Variants in KIF26A observed in about 807,000 individuals in gnomAD.
KIF26A encodes the protein kinesin family member 26A.
Under a neutral mutation model 126.0 loss-of-function variants are expected in KIF26A, and 74 were observed. That is an observed-to-expected ratio of 0.59 (90% confidence interval 0.49 to 0.71). The LOEUF (loss-of-function observed/expected upper bound fraction) is 0.71. KIF26A is among the 30% of genes least tolerant of loss of function. The pLI, the probability that KIF26A is intolerant of heterozygous loss-of-function variation, is 0.00. For synonymous variants in KIF26A, 1,445 were observed against 1,232.7 expected, an observed-to-expected ratio of 1.17 and a Z score of -3.61; for missense variants, 2,984 against 2,763.3, an observed-to-expected ratio of 1.08 and a Z score of -1.79.
intron 2 of KIF26A, among the ~76,000 whole-genome samples, chr14:104,139,597 G>A (rs905329310): frequency 1.4e-4 from 21 of 152,296 alleles, no homozygotes; most frequent in African/African-American, 4.8e-4. Context: ...GGAGAGAGCG[G>A]ATGGCAGGGA....
intron 2 of KIF26A, among the ~76,000 whole-genome samples, chr14:104,145,332 C>G (rs1363755668): frequency 6.6e-6 from 1 of 152,192 alleles, no homozygotes; most frequent in Non-Finnish European, 1.5e-5. Flanking sequence ...TGGGGTGGCC[C>G]GAGGCCCTCC....
intron 4 of KIF26A, among the ~76,000 whole-genome samples, chr14:104,165,695 GTC>G (rs1566861029): frequency 2.1e-5 from 3 of 140,964 alleles, no homozygotes; most frequent in South Asian, 4.2e-4. Context: ...GTGACTGTGT[GTC>G]TCTGTCTCTG....
rs1353649182 is a variant in KIF26A at position 104,139,163 on chromosome 14, G to T, written c.163G>T (p.Gly55Trp). Residue 55 changes from glycine (G) to tryptophan (W), a missense_variant, in exon 2 of 15, where the codon GGG becomes TGG. Physicochemically the swap from Gly to Trp is radical, Grantham distance 184. Transcript: ENST00000423312. ...CAGCCGCCCTGCTCCCGAAGGCGCC[G>T]GGGCCGGCCCAGAGCAGGGCCACTC... The part of the protein sequence containing the change: ...CGSRPAPEGA[G>W]AGPEQGHSAG... 2.6e-6 allele frequency: 4 copies of T among 1,521,126 alleles called. No individual in the cohort carries two copies. The East Asian group carries it at 1.0e-4, about 40-fold the overall frequency. 94.2% of individuals were successfully genotyped at this position (1,521,126 alleles called of 1,614,324 possible).
chr14:104,150,277 G>A (rs940027763), intron 2 of KIF26A, among the ~76,000 whole-genome samples: 2 of 147,066 alleles, frequency 1.4e-5, no homozygotes, highest in African/African-American at 5.0e-5. Context: ...GCGAATCTCC[G>A]AAGCAGCAGG....
At chr14:104,169,540 C>T (rs531531716) in intron 5 of KIF26A, among the ~76,000 whole-genome samples, 1 of 152,350 alleles carries the variant, frequency 6.6e-6, no homozygotes, top group African/African-American at 2.4e-5. Context: ...CCCCTCCACC[C>T]TGCACACCCC....
In KIF26A at chr14:104,173,797, G is replaced by A. The variant is rs781135612; in HGVS notation, c.1959G>A (p.Leu653=). ...CCGGGGAGGCTGCTGGGGGTCCCCT[G>A]TGTCTGTCCCTGTCGGCCCTGGGCA... ...GRAGEAAGGP[L]CLSLSALGSV... is the part of the protein sequence containing the mutation. The change falls in exon 10 of 15, where the codon CTG becomes CTA. Residue 653 remains leucine, a synonymous_variant. Coordinates refer to ENST00000423312, the MANE Select transcript of KIF26A (RefSeq NM_015656.2). 6.2e-6 allele frequency: 10 copies of A among 1,606,000 alleles called. No individual in the cohort carries two copies. In the Admixed American group the frequency reaches 6.7e-5, roughly 11 times the overall value.
chr14:104,140,677 T>G (rs11160787), intron 2 of KIF26A, among the ~76,000 whole-genome samples: 94,859 of 151,998 alleles, frequency 0.62, 31,678 homozygotes, highest in Non-Finnish European at 0.75. Context: ...CCCTGGTGGA[T>G]TCTAGGTTCC....
intron 2 of KIF26A, among the ~76,000 whole-genome samples, chr14:104,145,746 A>T (rs1386151949): frequency 6.6e-6 from 1 of 150,962 alleles, no homozygotes; most frequent in East Asian, 1.9e-4. Flanking sequence ...CAAAACCCTC[A>T]CCCCTGCCGC....
At chr14:104,166,062 G>A (rs1027983712) in intron 4 of KIF26A, among the ~76,000 whole-genome samples, 10 of 151,620 alleles carry the variant, frequency 6.6e-5, no homozygotes, top group South Asian at 4.2e-4. Flanking sequence ...CACCCCTGGC[G>A]GTGCTGGGGC....
At chr14:104,140,544 T>C (rs1426127212) in intron 2 of KIF26A, among the ~76,000 whole-genome samples, 2 of 152,196 alleles carry the variant, frequency 1.3e-5, no homozygotes, top group East Asian at 3.9e-4. Flanking sequence ...TGGAGTGGGC[T>C]TGGACTGCTG....
intron 2 of KIF26A, among the ~76,000 whole-genome samples, chr14:104,146,934 G>A (rs1036853377): frequency 1.3e-5 from 2 of 152,108 alleles, no homozygotes. Flanking sequence ...CAGCCTCGTA[G>A]GAGGGGCTGG....
At chr14:104,150,310 G>GGACCA (rs1349364758) in intron 2 of KIF26A, among the ~76,000 whole-genome samples, 2 of 151,452 alleles carry the variant, frequency 1.3e-5, no homozygotes, top group Non-Finnish European at 2.9e-5. Flanking sequence ...TGGCTAATCG[G>GGACCA]GACCAGACGC....
In KIF26A at chr14:104,175,223, C is replaced by T; in HGVS notation, c.2435C>T (p.Pro812Leu). The change falls in exon 12 of 15, where the codon CCT (proline) becomes CTT (leucine). Residue 812 changes from proline to leucine, a missense_variant. Transcript: ENST00000423312. ...GAGCTCACCGACAACGAAGGTCCGCCTGACTTCGTGCCCATCATCCCTGCC... is the reference window on the plus strand; with the variant it reads ...GAGCTCACCGACAACGAAGGTCCGCTTGACTTCGTGCCCATCATCCCTGCC... The part of the protein sequence containing the change: ...DRELTDNEGP[P>L]DFVPIIPALS... 1.2e-6 allele frequency: 2 copies of T among 1,609,774 alleles called. No individual in the cohort carries two copies. Among genetic ancestry groups the T allele is most frequent in the Non-Finnish European group, 1.7e-6 (2 of 1,179,496 alleles).
Position 104,178,769 on chromosome 14 carries a change from T to C in KIF26A, c.5316+14T>C. On this transcript the variant is annotated intron_variant, in intron 13 of 14. Coordinates refer to ENST00000423312, the MANE Select transcript of KIF26A (RefSeq NM_015656.2). ...GCCCCCACCCAGGTAGGGCCTTTGG[T>C]GGGCTGGGGTCTATGACCCCTGGTG... 7.0e-7 allele frequency: 1 copy of C among 1,435,530 alleles called. No individual in the cohort carries two copies. 88.9% of individuals were successfully genotyped at this position (1,435,530 alleles called of 1,614,324 possible). A position where few individuals can be genotyped will look rare whatever the true frequency, so the allele number is the denominator to read the frequency against.
intron 6 of KIF26A, among the ~76,000 whole-genome samples, 154 bp downstream of exon 6, chr14:104,172,089 C>T (rs574321398): frequency 6.6e-6 from 1 of 152,384 alleles, no homozygotes; most frequent in South Asian, 2.1e-4. Context: ...GCTTACCTCC[C>T]TCATCGTCCT....
rs759524108 is a variant in KIF26A at position 104,175,995 on chromosome 14, G to A, written c.3207G>A (p.Gly1069=). Residue 1069 remains glycine (G), a synonymous_variant, in exon 12 of 15, where the codon GGG becomes GGA. Coordinates refer to ENST00000423312, the MANE Select transcript of KIF26A (RefSeq NM_015656.2). ...GCTCCCTGCGGGCCCTGGCCTCGGG[G>A]TCCCGGCCAGTCAGCATCATCAGCA... The part of the protein sequence containing the change: ...SDCSLRALAS[G]SRPVSIISSI... The A allele has an allele frequency of 3.2e-6, 5 of 1,581,650 alleles. No individual in the cohort carries two copies. In the African/African-American group the frequency reaches 4.0e-5, roughly 13 times the overall value.
intron 2 of KIF26A, among the ~76,000 whole-genome samples, chr14:104,142,843 A>T (rs1325409918): frequency 6.6e-6 from 1 of 152,104 alleles, no homozygotes; most frequent in Middle Eastern, 3.2e-3. Context: ...TGACTGAATG[A>T]CCAGGCTTTT....
chr14:104,172,935 T>C lies in KIF26A; in HGVS notation c.1421-42T>C, dbSNP rs761201282. 8.5e-6 allele frequency: 13 copies of C among 1,532,054 alleles called. No homozygotes were observed. In the East Asian group the frequency reaches 2.6e-4, roughly 30 times the overall value. The allele number at this position is 1,532,054 out of a possible 1,614,324, so 94.9% of individuals were successfully genotyped here. On this transcript the variant is annotated intron_variant, in intron 7 of 14. Coordinates refer to ENST00000423312, the MANE Select transcript of KIF26A (RefSeq NM_015656.2). ...GACGCCAGTAGCCATAAAGGCTCCTTGCGTGGTGTGTGGTGGGGCCTGACG... is the reference window on the plus strand; with the variant it reads ...GACGCCAGTAGCCATAAAGGCTCCTCGCGTGGTGTGTGGTGGGGCCTGACG...
rs767558062 is a variant in KIF26A, at chr14:104,177,391, A to G, written c.4603A>G (p.Arg1535Gly). ...CCCTGGCGGCCCTGTGGCCGGTCCC[A>G]GAGCAGCCCCACGGGCCGGGCCCAG... ...RSPGGPVAGP[R>G]AAPRAGPSVG... Residue 1535 changes from arginine to glycine, a missense_variant, in exon 12 of 15, where the codon AGA becomes GGA. Transcript: ENST00000423312. The G allele has an allele frequency of 1.3e-6, 2 of 1,489,742 alleles. No homozygotes were observed. The highest frequency in any genetic ancestry group is 1.3e-5 in the South Asian group (1 of 75,616). 92.3% of individuals were successfully genotyped at this position (1,489,742 alleles called of 1,614,324 possible).
Sources: gnomAD v4.1 joint callset for allele counts (sites outside exome capture counted in the v4.1 genomes callset) on GRCh38, gnomAD v4.1.1 for gene constraint, MANE v1.5 for transcripts, NCBI Gene and HGNC (gene_info 2026-07-23, HGNC 2026-07-21) for gene names.